MECOM: variants seen among roughly 807,000 people sequenced by gnomAD.
MECOM encodes histone-lysine N-methyltransferase MECOM.
A neutral mutation model predicts 116.3 loss-of-function variants in MECOM; 13 were observed. That is an observed-to-expected ratio of 0.11 (90% CI 0.07 to 0.18). The LOEUF is 0.18. Ranked by LOEUF, MECOM falls within the 10% of genes least tolerant of loss-of-function variation. The probability of loss-of-function intolerance (pLI) is 1.00; values close to 1 mark genes in which losing one functional copy is unlikely to be tolerated. For synonymous variants in MECOM, 528 were observed against 535.2 expected (o/e 0.99, Z 0.19); for missense variants, 1,299 against 1,509.0 (o/e 0.86, Z 2.31).
intron 2 of MECOM, among the ~76,000 whole-genome samples, chr3:169,350,477 T>G (rs925021511): frequency 6.6e-6 from 1 of 151,966 alleles, no homozygotes; most frequent in African/African-American, 2.4e-5. Context: ...TCCAAGGCTA[T>G]GTAGAATACA....
chr3:169,413,417 A>G (rs145758136), intron 1 of MECOM, among the ~76,000 whole-genome samples: 144 of 152,298 alleles, frequency 9.5e-4, no homozygotes, highest in African/African-American at 3.4e-3. Context: ...ATCAAGCACA[A>G]ACCTGGGGGG....
intron 1 of MECOM, among the ~76,000 whole-genome samples, chr3:169,655,223 C>T (rs1775397970): frequency 6.6e-6 from 1 of 152,062 alleles, no homozygotes; most frequent in African/African-American, 2.4e-5. Flanking sequence ...CCCGCCACTC[C>T]CTCTTGTTCT....
Position 169,235,027 on chromosome 3 carries a change from T to C in MECOM, c.376-91195A>G, listed in dbSNP as rs191494905. ...CAAAGTATATATTTGAAAAAATTTA[T>C]GGGCGTGATATGAAAGGCAAAACTT... On this transcript the variant is annotated intron_variant, in intron 2 of 16. Coordinates refer to ENST00000651503, the MANE Select transcript of MECOM (RefSeq NM_004991.4). Among the ~76,000 whole-genome samples the C allele has an allele frequency of 5.0e-3, 767 of 152,312 alleles. 2 individuals are homozygous for C. Among genetic ancestry groups the C allele is most frequent in the Non-Finnish European group, 7.6e-3 (515 of 68,006 alleles).
chr3:169,207,990 T>C (rs2149465990), intron 2 of MECOM, among the ~76,000 whole-genome samples: 1 of 152,252 alleles, frequency 6.6e-6, no homozygotes, highest in South Asian at 2.1e-4. Context: ...TTCTGAAAAC[T>C]TAACTTATGT....
At chr3:169,661,699 G>A (rs1379677072) in intron 1 of MECOM, among the ~76,000 whole-genome samples, 1 of 151,830 alleles carries the variant, frequency 6.6e-6, no homozygotes, top group South Asian at 2.1e-4. Flanking sequence ...AGCCTGCTGA[G>A]GTGCCGCCGA....
At chr3:169,516,853 T>C (rs1429103867) in intron 1 of MECOM, among the ~76,000 whole-genome samples, 1 of 152,216 alleles carries the variant, frequency 6.6e-6, no homozygotes, top group African/African-American at 2.4e-5. Flanking sequence ...TAGTTGCTTC[T>C]GACCAGTCAA....
At chr3:169,370,768 T>C (rs1577884928) in intron 2 of MECOM, among the ~76,000 whole-genome samples, 1 of 151,908 alleles carries the variant, frequency 6.6e-6, no homozygotes, top group East Asian at 1.9e-4. Flanking sequence ...ACAATAGCGA[T>C]CAAGTATATG....
rs145326797 is a variant in MECOM at position 169,389,844 on chromosome 3, A to G, written c.38-8320T>C. Among the ~76,000 whole-genome samples the G allele has an allele frequency of 5.6e-3, 857 of 152,368 alleles. 4 individuals are homozygous for G. Among genetic ancestry groups the G allele is most frequent in the Non-Finnish European group, 7.7e-3 (521 of 68,034 alleles). ...TTAAACAGGTATTTAAGAAAAGACT[A>G]TCACAGTCAGGAATTTACTGATGAC... is the stretch of plus-strand genomic sequence containing the variant. On this transcript the variant is annotated intron_variant, in intron 1 of 16. Transcript: ENST00000651503.
intron 1 of MECOM, among the ~76,000 whole-genome samples, chr3:169,553,680 C>A (rs1165440687): frequency 2.6e-5 from 4 of 152,158 alleles, no homozygotes; most frequent in Non-Finnish European, 5.9e-5. Flanking sequence ...TGCTAGAAGT[C>A]CAGGATGAAG....
intron 1 of MECOM, among the ~76,000 whole-genome samples, chr3:169,593,253 T>G (rs1766648991): frequency 6.6e-6 from 1 of 152,220 alleles, no homozygotes; most frequent in South Asian, 2.1e-4. Context: ...AGCCTCATCC[T>G]GCATGCTGTC....
intron 2 of MECOM, among the ~76,000 whole-genome samples, chr3:169,355,843 C>A (rs1468115404): frequency 6.7e-6 from 1 of 149,156 alleles, no homozygotes; most frequent in Non-Finnish European, 1.5e-5. Context: ...TTTTTTTTTT[C>A]CAATTTTATA....
intron 1 of MECOM, among the ~76,000 whole-genome samples, chr3:169,436,245 C>CTTTT (rs11349670): frequency 1.9e-4 from 18 of 93,680 alleles, no homozygotes; most frequent in South Asian, 4.0e-4. Context: ...GGCTAAATCG[C>CTTTT]TTTTTTTTTT....
chr3:169,406,597 G>A (rs6777850), intron 1 of MECOM, among the ~76,000 whole-genome samples: 12,988 of 152,120 alleles, frequency 0.085, 661 homozygotes, highest in African/African-American at 0.13. Flanking sequence ...ATAAAGTTTT[G>A]AATTGTACTG....
intron 1 of MECOM, among the ~76,000 whole-genome samples, chr3:169,642,694 GGTATTT>G (rs1437642443): frequency 2.0e-5 from 3 of 150,570 alleles, no homozygotes; most frequent in Non-Finnish European, 4.4e-5. Flanking sequence ...CACAGCTTCA[GGTATTT>G]AGCCTGGCCA....
At chr3:169,342,424 T>C (rs1724701842) in intron 2 of MECOM, among the ~76,000 whole-genome samples, 1 of 152,048 alleles carries the variant, frequency 6.6e-6, no homozygotes, top group Non-Finnish European at 1.5e-5. Flanking sequence ...AAGAAAAGTG[T>C]CTATTTGAAA....
chr3:169,238,078 G>C (rs1461704091), intron 2 of MECOM, among the ~76,000 whole-genome samples: 1 of 151,428 alleles, frequency 6.6e-6, no homozygotes, highest in African/African-American at 2.4e-5. Context: ...TGGAGGCTGA[G>C]GCAGGAGAAT....
intron 2 of MECOM, among the ~76,000 whole-genome samples, chr3:169,216,203 G>T (rs1006259908): frequency 6.6e-6 from 1 of 152,090 alleles, no homozygotes; most frequent in Non-Finnish European, 1.5e-5. Flanking sequence ...TCCAAATCCC[G>T]AATCTTTCTT....
intron 2 of MECOM, among the ~76,000 whole-genome samples, chr3:169,155,611 G>T (rs184662392): frequency 2.0e-5 from 3 of 152,038 alleles, no homozygotes; most frequent in African/African-American, 7.2e-5. Context: ...AAGAAAAACC[G>T]CACTAACAAA....
intron 2 of MECOM, among the ~76,000 whole-genome samples, chr3:169,163,265 G>A (rs542809888): frequency 1.2e-4 from 19 of 152,112 alleles, no homozygotes; most frequent in Non-Finnish European, 2.4e-4. Flanking sequence ...TTAGTCAGTC[G>A]TGTTAATTTC....
Sources: allele counts gnomAD v4.1 joint callset (sites outside exome capture counted in the v4.1 genomes callset), GRCh38; gene constraint gnomAD v4.1.1; transcripts MANE v1.5; gene names NCBI Gene and HGNC (gene_info 2026-07-23, HGNC 2026-07-21).